DNAAF11: variants seen among roughly 807,000 people sequenced by gnomAD.
DNAAF11 encodes the protein leucine rich repeat containing 6.
A neutral mutation model predicts 60.8 loss-of-function variants in DNAAF11; 45 were observed. The observed-to-expected ratio is 0.74, with a 90% confidence interval of 0.58 to 0.95. The LOEUF is 0.95. Among genes scored for constraint, DNAAF11 ranks in the 40% least tolerant of loss-of-function variants. DNAAF11 has a pLI of 0.00. For synonymous variants in DNAAF11, 191 were observed against 183.5 expected, an observed-to-expected ratio of 1.04 and a Z score of -0.33; for missense variants, 546 against 546.2, an observed-to-expected ratio of 1.00 and a Z score of 0.00.
chr8:132,616,282 T>C (rs1307101786), intron 7 of DNAAF11, among the ~76,000 whole-genome samples: 6 of 152,258 alleles, frequency 3.9e-5, no homozygotes, highest in Non-Finnish European at 7.4e-5. Context: ...TTTCTAAGAA[T>C]GTCCCTTAAG....
At chr8:132,584,343 G>T (rs1485624002) in intron 10 of DNAAF11, among the ~76,000 whole-genome samples, 3 of 152,142 alleles carry the variant, frequency 2.0e-5, no homozygotes, top group Non-Finnish European at 4.4e-5. Flanking sequence ...TAAATAAAAT[G>T]ATTCCATTCA....
chr8:132,634,486 T>A (rs767367539), intron 4 of DNAAF11, among the ~76,000 whole-genome samples: 2 of 152,154 alleles, frequency 1.3e-5, no homozygotes, highest in Non-Finnish European at 2.9e-5. Context: ...ACCATAATGA[T>A]AAATTCAATG....
intron 8 of DNAAF11, among the ~76,000 whole-genome samples, chr8:132,614,823 C>T (rs1289193370): frequency 6.6e-6 from 1 of 152,198 alleles, no homozygotes; most frequent in Non-Finnish European, 1.5e-5. Context: ...CTTAGATATT[C>T]CTGAGTTCAT....
the DNAAF11 span, among the ~76,000 whole-genome samples, chr8:132,698,965 CACACACAA>C: frequency 1.0e-5 from 1 of 97,610 alleles, no homozygotes; most frequent in South Asian, 2.8e-4. Context: ...TACACACACA[CACACACAA>C]AAAAAATTAG....
At chr8:132,653,706 A>C (rs1376267020) in intron 3 of DNAAF11, among the ~76,000 whole-genome samples, 1 of 152,170 alleles carries the variant, frequency 6.6e-6, no homozygotes, top group Non-Finnish European at 1.5e-5. Flanking sequence ...AATTTGAACT[A>C]GATTGTTATA....
intron 10 of DNAAF11, among the ~76,000 whole-genome samples, chr8:132,600,498 G>T (rs1817497411): frequency 2.0e-5 from 3 of 152,162 alleles, no homozygotes; most frequent in South Asian, 4.1e-4. Flanking sequence ...AAAGCTGGAG[G>T]CATCACGCTA....
the DNAAF11 span, among the ~76,000 whole-genome samples, chr8:132,686,031 G>C: frequency 2.0e-5 from 3 of 152,090 alleles, no homozygotes; most frequent in Non-Finnish European, 2.9e-5. Flanking sequence ...CAATGAACGA[G>C]TCAACAAATA....
At chr8:132,677,531 A>G (rs1284703043), upstream of DNAAF11, among the ~76,000 whole-genome samples, 1 of 152,182 alleles carries the variant, frequency 6.6e-6, no homozygotes, top group African/African-American at 2.4e-5. Flanking sequence ...CAACCCAGGT[A>G]TTTGACATGT....
intron 3 of DNAAF11, among the ~76,000 whole-genome samples, chr8:132,655,370 C>T (rs1438913607): frequency 1.3e-5 from 2 of 151,812 alleles, no homozygotes; most frequent in Non-Finnish European, 2.9e-5. Context: ...TGAAAAAAAT[C>T]GAATAAGAAG....
chr8:132,636,710 C>A (rs558066255), intron 4 of DNAAF11, among the ~76,000 whole-genome samples: 4 of 152,180 alleles, frequency 2.6e-5, no homozygotes, highest in African/African-American at 9.7e-5. Context: ...CTATGATAGT[C>A]TGGGTCTCAT....
chr8:132,702,151 C>G, the DNAAF11 span: 4 of 152,170 alleles, frequency 2.6e-5, no homozygotes, highest in Non-Finnish European at 5.9e-5. Context: ...CTTACTTTCT[C>G]TTATTTGGTC....
chr8:132,622,889 T>C (rs1819900755), intron 6 of DNAAF11: 1 of 534,380 alleles, frequency 1.9e-6, no homozygotes, highest in East Asian at 3.1e-5. Context: ...CCAGATTTTT[T>C]ATATGGTTGT....
chr8:132,691,390 C>A, the DNAAF11 span, among the ~76,000 whole-genome samples: 4 of 152,176 alleles, frequency 2.6e-5, no homozygotes, highest in Admixed American at 6.5e-5. Context: ...CACTACAAGA[C>A]AGCCCAGGCT....
intron 3 of DNAAF11, among the ~76,000 whole-genome samples, chr8:132,652,479 G>T (rs145381477): frequency 2.0e-4 from 30 of 152,264 alleles, no homozygotes; most frequent in African/African-American, 6.7e-4. Context: ...TATCTCCAAA[G>T]AGATTTCGAA....
chr8:132,640,625 T>C (rs192445753), intron 3 of DNAAF11, among the ~76,000 whole-genome samples: 1 of 152,272 alleles, frequency 6.6e-6, no homozygotes, highest in Admixed American at 6.5e-5. Context: ...AATTACTCTC[T>C]TAACTTCTTC....
At chr8:132,599,745 G>C (rs1227132934) in intron 10 of DNAAF11, among the ~76,000 whole-genome samples, 4 of 151,804 alleles carry the variant, frequency 2.6e-5, no homozygotes, top group African/African-American at 9.7e-5. Context: ...TAAAAACTCT[G>C]AATAAATTAG....
At chr8:132,622,019 T>G (rs1328553616) in intron 7 of DNAAF11, among the ~76,000 whole-genome samples, 1 of 152,206 alleles carries the variant, frequency 6.6e-6, no homozygotes, top group Non-Finnish European at 1.5e-5. Context: ...GTCTGTAGGC[T>G]CTCTGGTCTG....
Position 132,615,055 on chromosome 8 carries a change from C to T in DNAAF11, c.957G>A (p.Leu319=). Residue 319 remains leucine (L), a synonymous_variant, in exon 8 of 12, where the codon CTG becomes CTA. Coordinates refer to ENST00000620350, the MANE Select transcript of DNAAF11 (RefSeq NM_012472.6). The part of the protein sequence containing the change: ...SLKDNEKQII[L]DLAVYRYMDT... ...GTCTTTACCTATAGACAGCAAGGTC[C>T]AGGATGATCTGCTTTTCGTTATCTT... 6.2e-7 allele frequency: 1 copy of T among 1,605,676 alleles called. No individual in the cohort carries two copies. The highest frequency in any genetic ancestry group is 1.7e-5 in the Admixed American group (1 of 59,840).
At chr8:132,574,210 T>G (rs1814504734) in intron 11 of DNAAF11, among the ~76,000 whole-genome samples, 1 of 152,232 alleles carries the variant, frequency 6.6e-6, no homozygotes. Flanking sequence ...ATCATAAGGT[T>G]GGTGGCTGAC....
Sources: allele counts gnomAD v4.1 joint callset (sites outside exome capture counted in the v4.1 genomes callset), GRCh38; gene constraint gnomAD v4.1.1; transcripts MANE v1.5; gene names NCBI Gene and HGNC (gene_info 2026-07-23, HGNC 2026-07-21).